The following TOP1MT variants were observed in gnomAD, a reference collection of about 807,000 sequenced individuals.
TOP1MT encodes the protein DNA topoisomerase I, mitochondrial.
In TOP1MT, 80 loss-of-function variants were observed where a neutral mutation model predicts 73.9. That is an observed-to-expected ratio of 1.08 (90% CI 0.90 to 1.30). TOP1MT has a LOEUF of 1.30. Ranked by LOEUF, TOP1MT falls within the 50% of genes most tolerant of loss-of-function variation. The probability of loss-of-function intolerance (pLI) is 0.00; values close to 1 mark genes in which losing one functional copy is unlikely to be tolerated. For missense variants in TOP1MT, 815 were observed against 808.0 expected (o/e 1.01, Z -0.10); for synonymous variants, 338 against 326.4 (o/e 1.04, Z -0.38).
chr8:143,338,581 G>T (rs1480428436), upstream of TOP1MT, among the ~76,000 whole-genome samples: 3 of 151,766 alleles, frequency 2.0e-5, no homozygotes, highest in African/African-American at 7.3e-5. Flanking sequence ...AAAAAAAAAT[G>T]TTAATTTTAA....
chr8:143,350,834 T>G (rs1157236249), intron 1 of TOP1MT, among the ~76,000 whole-genome samples: 1 of 152,202 alleles, frequency 6.6e-6, no homozygotes. Flanking sequence ...CTTCCTATTT[T>G]GGAAAATTTC....
chr8:143,327,834 G>T (rs1396661580), intron 3 of TOP1MT: 1 of 377,694 alleles, frequency 2.6e-6, no homozygotes, highest in East Asian at 8.3e-5. Flanking sequence ...AGCTGGCTCG[G>T]GGCAGTCAGA....
At chr8:143,314,061 G>A (rs1031343409) in intron 12 of TOP1MT, among the ~76,000 whole-genome samples, 2 of 152,050 alleles carry the variant, frequency 1.3e-5, no homozygotes, top group African/African-American at 4.8e-5. Flanking sequence ...ACACCCACTG[G>A]GCTCTAATCG....
rs367979196 is a variant in TOP1MT at position 143,323,039 on chromosome 8, C to T, written c.960+960G>A. Among the ~76,000 whole-genome samples the T allele has an allele frequency of 2.5e-4, 13 of 52,318 alleles. No individual in the cohort carries two copies. In the East Asian group the frequency reaches 8.3e-3, roughly 33 times the overall value. The allele number at this position is 52,318 out of a possible 152,430, so 34.3% of individuals were successfully genotyped here. A position where few individuals can be genotyped will look rare whatever the true frequency, so the allele number is the denominator to read the frequency against. On this transcript the variant is annotated intron_variant, in intron 7 of 13. Coordinates refer to ENST00000329245, the MANE Select transcript of TOP1MT (RefSeq NM_052963.3). ...ACACATGCACACACACACATGCACG[C>T]CACACAGGCACGCCACACACAGGCA...
intron 8 of TOP1MT, among the ~76,000 whole-genome samples, chr8:143,320,694 G>A (rs72701716): frequency 0.23 from 34,999 of 152,208 alleles, 4,382 homozygotes; most frequent in Middle Eastern, 0.34. Flanking sequence ...AGAGATGCAG[G>A]GAGAAGATGG....
At position 143,321,398 on chromosome 8, in the gene TOP1MT, G is replaced by A. The variant is rs1357639118; in HGVS notation, c.961-12C>T. 1 of 1,569,050 alleles carries A rather than the reference G, an allele frequency of 6.4e-7. No homozygotes were observed. Among genetic ancestry groups the A allele is most frequent in the Non-Finnish European group, 8.7e-7 (1 of 1,151,440 alleles). On this transcript the variant is annotated splice_polypyrimidine_tract_variant and intron_variant, in intron 7 of 13. Transcript: ENST00000329245. ...GCTCTCAGTGCCAGCTAGTTGGTGG[G>A]GAATGGTCAAAGTGGGTGGTGCGTG...
Position 143,325,479 on chromosome 8 carries a change from C to G in TOP1MT, c.538G>C (p.Asp180His). 1 of 1,613,132 alleles carries G rather than the reference C, an allele frequency of 6.2e-7. No individual in the cohort carries two copies. The highest frequency in any genetic ancestry group is 2.2e-5 in the East Asian group (1 of 44,834). The change falls in exon 5 of 14, where the codon GAT becomes CAT. Residue 180 changes from aspartate to histidine, a missense_variant. By Grantham distance (81) the Asp-to-His change is moderately conservative. This residue lies in a region of TOP1MT where 751 missense variants were observed against 725.4 expected (regional missense o/e 1.04). Coordinates refer to ENST00000329245, the MANE Select transcript of TOP1MT (RefSeq NM_052963.3). The stretch of plus-strand genomic sequence containing the variant: ...TTGCCTATTTTTTCTTGGTGACCAT[C>G]TAAAATACAGTAGCCGAACTCTTGC... ...LQQEFGYCIL[D>H]GHQEKIGNFK...
chr8:143,343,093 A>C, intron 2 of TOP1MT: 1 of 437,984 alleles, frequency 2.3e-6, no homozygotes, highest in South Asian at 1.6e-5. Flanking sequence ...ATCTTAGAAG[A>C]AAATCAGACA....
chr8:143,330,045 A>C (rs1157404407), intron 2 of TOP1MT, among the ~76,000 whole-genome samples: 1 of 152,218 alleles, frequency 6.6e-6, no homozygotes, highest in Admixed American at 6.5e-5. Context: ...AGCTTTCATA[A>C]GAAAATTTTA....
intron 3 of TOP1MT, 51 bp from the exon 4 acceptor site, chr8:143,326,395 CAGA>C (rs755667340): frequency 1.2e-6 from 2 of 1,607,270 alleles, no homozygotes; most frequent in Admixed American, 3.4e-5. Context: ...GACAGACATG[CAGA>C]GCGCTCTCGC....
At position 143,310,344 on chromosome 8, in the gene TOP1MT, T is replaced by C. The variant is rs1013601690; in HGVS notation, c.1554-127A>G. 6.0e-5 allele frequency: 42 copies of C among 699,050 alleles called. No individual in the cohort carries two copies. In the African/African-American group the frequency reaches 6.8e-4, roughly 11 times the overall value. 43.3% of individuals were successfully genotyped at this position (699,050 alleles called of 1,614,324 possible). On this transcript the variant is annotated intron_variant, in intron 12 of 13. Coordinates refer to ENST00000329245, the MANE Select transcript of TOP1MT (RefSeq NM_052963.3). ...CTGTCCCTGTCATTGTCATCAGTCA[T>C]CCATCACAGCAAAAGACCAGCCGGG... is the stretch of plus-strand genomic sequence containing the variant.
chr8:143,340,792 G>A (rs1323003088), intron 2 of TOP1MT, among the ~76,000 whole-genome samples: 1 of 152,158 alleles, frequency 6.6e-6, no homozygotes, highest in Non-Finnish European at 1.5e-5. Flanking sequence ...TGGAAACCAA[G>A]GCCTCCTGTC....
chr8:143,357,268 G>T (rs1817427632), upstream of TOP1MT, among the ~76,000 whole-genome samples: 1 of 151,462 alleles, frequency 6.6e-6, no homozygotes, highest in Non-Finnish European at 1.5e-5. Context: ...AGAAGAATTA[G>T]CCAGCACAAT....
At chr8:143,335,606 C>T (rs969374745), upstream of TOP1MT, among the ~76,000 whole-genome samples, 6 of 152,276 alleles carry the variant, frequency 3.9e-5, no homozygotes, top group Non-Finnish European at 7.3e-5. Context: ...TAGATCAGCA[C>T]TTGGCGGTAG....
intron 2 of TOP1MT, among the ~76,000 whole-genome samples, chr8:143,342,437 T>C (rs985389353): frequency 7.1e-6 from 1 of 141,842 alleles, no homozygotes; most frequent in African/African-American, 2.8e-5. Flanking sequence ...TCTGTTATTA[T>C]TATTATTATT....
At chr8:143,324,372 G>T (rs1354526719) in intron 6 of TOP1MT, 113 bp downstream of exon 6, 1 of 1,516,210 alleles carries the variant, frequency 6.6e-7, no homozygotes, top group South Asian at 1.2e-5. Context: ...CGGGCTGGCC[G>T]ACTCCCAGCC....
intron 12 of TOP1MT, among the ~76,000 whole-genome samples, chr8:143,311,410 C>A (rs1356275741): frequency 2.0e-5 from 3 of 152,206 alleles, no homozygotes; most frequent in East Asian, 3.8e-4. Flanking sequence ...CAGACCCCTG[C>A]ATCTCCGGAT....
In TOP1MT at chr8:143,334,840, G is replaced by A. The variant is rs1219144440; in HGVS notation, c.22C>T (p.Arg8Trp). ...AGCAGCGTCAGAGCCGCCCGGAGCC[G>A]CAGCAGCCGCACCACGCGCATCTGC... Reference protein sequence around the residue: MRVVRLLRLRAALTLLGE... With the variant: MRVVRLLWLRAALTLLGE... Residue 8 changes from arginine (R) to tryptophan (W), a missense_variant, in exon 1 of 14, where the codon CGG (arginine) becomes TGG (tryptophan). By Grantham distance (101) the Arg-to-Trp change is moderately radical (BLOSUM62 -3). Transcript: ENST00000329245. The A allele has an allele frequency of 2.0e-6, 3 of 1,503,890 alleles. No individual in the cohort carries two copies. Among genetic ancestry groups the A allele is most frequent in the Non-Finnish European group, 2.6e-6 (3 of 1,141,922 alleles). The allele number at this position is 1,503,890 out of a possible 1,614,324, so 93.2% of individuals were successfully genotyped here.
At chr8:143,338,222 G>A (rs1352306055), upstream of TOP1MT, among the ~76,000 whole-genome samples, 1 of 152,134 alleles carries the variant, frequency 6.6e-6, no homozygotes, top group East Asian at 1.9e-4. Flanking sequence ...AGTGAGCTAT[G>A]ATCAGGCTAC....
Sources: gnomAD v4.1 joint callset for allele counts (sites outside exome capture counted in the v4.1 genomes callset) on GRCh38, gnomAD v4.1.1 for gene constraint, gnomAD v4.1.1 regional missense constraint, MANE v1.5 for transcripts, NCBI Gene and HGNC (gene_info 2026-07-23, HGNC 2026-07-21) for gene names.